The following PTPRD variants were observed in gnomAD, a reference collection of about 807,000 sequenced individuals.
PTPRD encodes the protein protein tyrosine phosphatase receptor type D.
A neutral mutation model predicts 214.5 loss-of-function variants in PTPRD; 34 were observed. The ratio of observed to expected loss-of-function variants is 0.16; its 90% CI spans 0.12 to 0.21. The LOEUF (loss-of-function observed/expected upper bound fraction) is 0.21. Ranked by LOEUF, PTPRD falls within the 10% of genes least tolerant of loss-of-function variation. The pLI is 1.00. For synonymous variants in PTPRD, 1,128 were observed against 845.7 expected (o/e 1.33, Z -5.79); for missense variants, 2,545 against 2,398.7 (o/e 1.06, Z -1.27).
At chr9:9,581,031 T>C (rs781109515) in intron 7 of PTPRD, among the ~76,000 whole-genome samples, 1 of 152,082 alleles carries the variant, frequency 6.6e-6, no homozygotes, top group African/African-American at 2.4e-5. Context: ...GTGAAAGAAA[T>C]AGGGGGCTTG....
intron 2 of PTPRD, among the ~76,000 whole-genome samples, chr9:10,423,929 G>A (rs889436550): frequency 1.3e-5 from 2 of 151,984 alleles, no homozygotes; most frequent in South Asian, 4.2e-4. Flanking sequence ...CTAATAAAAT[G>A]TTGAATTCTC....
intron 11 of PTPRD, among the ~76,000 whole-genome samples, chr9:8,912,023 T>C (rs982523365): frequency 6.6e-5 from 10 of 152,182 alleles, no homozygotes; most frequent in Admixed American, 4.6e-4. Context: ...GGTAAGGATG[T>C]GGAGAGAGTG....
intron 5 of PTPRD, among the ~76,000 whole-genome samples, chr9:9,901,254 A>C (rs1445551911): frequency 2.0e-5 from 3 of 152,162 alleles, no homozygotes; most frequent in Non-Finnish European, 4.4e-5. Flanking sequence ...TTAAAGTTCT[A>C]ATATGTCATT....
At chr9:9,606,061 G>A (rs780642104) in intron 7 of PTPRD, among the ~76,000 whole-genome samples, 1 of 151,946 alleles carries the variant, frequency 6.6e-6, no homozygotes, top group Admixed American at 6.6e-5. Context: ...TTTTAAGAGT[G>A]GCCTTGAAGA....
At chr9:10,087,141 T>G (rs942313528) in intron 3 of PTPRD, among the ~76,000 whole-genome samples, 1 of 151,364 alleles carries the variant, frequency 6.6e-6, no homozygotes, top group Non-Finnish European at 1.5e-5. Context: ...TTTAGAGTTT[T>G]TTTTTTTTTA....
chr9:8,492,232 T>A (rs779955294), intron 27 of PTPRD, among the ~76,000 whole-genome samples: 48 of 152,330 alleles, frequency 3.2e-4, no homozygotes, highest in Non-Finnish European at 5.0e-4. Context: ...CTGTAAGTCA[T>A]GAACCCAGTT....
intron 11 of PTPRD, among the ~76,000 whole-genome samples, chr9:9,002,878 C>G (rs1241615234): frequency 6.6e-6 from 1 of 152,046 alleles, no homozygotes; most frequent in African/African-American, 2.4e-5. Context: ...GTGCTATCTC[C>G]CTCCTTAGAT....
chr9:8,574,610 A>G (rs1020209805), intron 14 of PTPRD, among the ~76,000 whole-genome samples: 1 of 152,042 alleles, frequency 6.6e-6, no homozygotes, highest in Admixed American at 6.6e-5. Context: ...CACTAAGAAG[A>G]AAAATATTTT....
chr9:9,054,582 G>C (rs1266149744), intron 10 of PTPRD, among the ~76,000 whole-genome samples: 1 of 152,184 alleles, frequency 6.6e-6, no homozygotes, highest in Non-Finnish European at 1.5e-5. Context: ...CCAAGGGTGT[G>C]AGGGTCAATT....
At chr9:10,203,880 T>C (rs2154335997) in intron 3 of PTPRD, among the ~76,000 whole-genome samples, 1 of 152,258 alleles carries the variant, frequency 6.6e-6, no homozygotes, top group East Asian at 1.9e-4. Flanking sequence ...CTATAAATTA[T>C]AAAGATTAGA....
intron 11 of PTPRD, among the ~76,000 whole-genome samples, chr9:8,785,650 A>C (rs58846539): frequency 0.087 from 13,284 of 152,256 alleles, 605 homozygotes; most frequent in East Asian, 0.15. Context: ...TTAACAAATA[A>C]AGTACAAAAA....
intron 6 of PTPRD, among the ~76,000 whole-genome samples, chr9:9,765,461 A>C (rs1384313857): frequency 1.3e-5 from 2 of 152,184 alleles, no homozygotes; most frequent in East Asian, 1.9e-4. Context: ...AATTACTCTA[A>C]TACAGGGAAA....
At chr9:8,448,485 T>G (rs970668426) in intron 34 of PTPRD, among the ~76,000 whole-genome samples, 8 of 152,138 alleles carry the variant, frequency 5.3e-5, no homozygotes, top group African/African-American at 1.9e-4. Context: ...ACTGAGTAGG[T>G]GACTCAACAA....
At chr9:9,815,424 G>A (rs576789196) in intron 5 of PTPRD, among the ~76,000 whole-genome samples, 6 of 152,140 alleles carry the variant, frequency 3.9e-5, no homozygotes, top group South Asian at 4.1e-4. Context: ...AAAAGGAAAC[G>A]TAGAGAAAAG....
intron 3 of PTPRD, among the ~76,000 whole-genome samples, chr9:10,208,250 C>T (rs2099494225): frequency 6.6e-6 from 1 of 152,198 alleles, no homozygotes. Flanking sequence ...CGCGGTGGCT[C>T]AGGCCCGTAA....
intron 11 of PTPRD, among the ~76,000 whole-genome samples, chr9:8,891,137 A>ATTTTTTT (rs761564011): frequency 2.4e-4 from 30 of 123,624 alleles, no homozygotes; most frequent in African/African-American, 3.5e-4. Context: ...AATTAATCTA[A>ATTTTTTT]TTTTTTTTTT....
chr9:8,668,190 G>C (rs1053146316), intron 12 of PTPRD, among the ~76,000 whole-genome samples: 1 of 152,094 alleles, frequency 6.6e-6, no homozygotes, highest in African/African-American at 2.4e-5. Flanking sequence ...ACCAAGAACA[G>C]TGTCATGCTA....
chr9:9,521,000 C>T (rs913812055), intron 8 of PTPRD, among the ~76,000 whole-genome samples: 8 of 152,152 alleles, frequency 5.3e-5, no homozygotes, highest in African/African-American at 1.9e-4. Context: ...AGATGGGGTA[C>T]TGAAATCACA....
chr9:9,462,449 A>C (rs2145961781), intron 8 of PTPRD, among the ~76,000 whole-genome samples: 1 of 152,316 alleles, frequency 6.6e-6, no homozygotes. Context: ...ATTGTCATAA[A>C]ATTATATGTT....
Sources: allele counts gnomAD v4.1 joint callset (sites outside exome capture counted in the v4.1 genomes callset), GRCh38; gene constraint gnomAD v4.1.1; transcripts MANE v1.5; gene names NCBI Gene and HGNC (gene_info 2026-07-23, HGNC 2026-07-21).